FANK1: variants seen among roughly 807,000 people sequenced by gnomAD.
The protein encoded by FANK1 is fibronectin type 3 and ankyrin repeat domains protein 1.
In FANK1, 44 loss-of-function variants were observed where a neutral mutation model predicts 45.3. The observed-to-expected ratio is 0.97, with a 90% confidence interval of 0.76 to 1.25. The LOEUF is 1.25. Among genes scored for constraint, FANK1 ranks in the 50% most tolerant of loss-of-function variants. The pLI, the probability that FANK1 is intolerant of heterozygous loss-of-function variation, is 0.00. For missense variants in FANK1, 391 were observed against 424.4 expected (o/e 0.92, Z 0.69); for synonymous variants, 149 against 152.5 (o/e 0.98, Z 0.17).
At chr10:125,911,208 C>T (rs1045353604) in intron 1 of FANK1, among the ~76,000 whole-genome samples, 10 of 152,140 alleles carry the variant, frequency 6.6e-5, no homozygotes, top group South Asian at 2.1e-4. Context: ...GAAGAAGAAA[C>T]GTCAGACTCA....
intron 1 of FANK1, among the ~76,000 whole-genome samples, chr10:125,922,218 G>A (rs191857614): frequency 6.6e-6 from 1 of 152,126 alleles, no homozygotes; most frequent in Admixed American, 6.5e-5. Context: ...CATATTTGGG[G>A]ATGTTCTAGA....
intron 1 of FANK1, among the ~76,000 whole-genome samples, chr10:125,904,733 G>A (rs1473326609): frequency 1.3e-5 from 2 of 152,116 alleles, no homozygotes; most frequent in African/African-American, 4.8e-5. Flanking sequence ...TGATGAGCCT[G>A]TAGTTTTACT....
chr10:125,991,645 T>TC (rs1951951922), intron 3 of FANK1, among the ~76,000 whole-genome samples: 1 of 152,064 alleles, frequency 6.6e-6, no homozygotes, highest in African/African-American at 2.4e-5. Flanking sequence ...AGCCTTTTTT[T>TC]TCCCCCCAGG....
intron 1 of FANK1, among the ~76,000 whole-genome samples, chr10:125,916,650 AAAGGC>A (rs1313673798): frequency 2.5e-4 from 38 of 152,226 alleles, no homozygotes; most frequent in Admixed American, 2.5e-3. Flanking sequence ...CCTTACAGAG[AAAGGC>A]AATTCTGACA....
chr10:125,949,326 A>G (rs909691158), intron 1 of FANK1, among the ~76,000 whole-genome samples: 10 of 151,532 alleles, frequency 6.6e-5, no homozygotes, highest in Non-Finnish European at 1.0e-4. Context: ...AGGAAGTCAA[A>G]TTGTCCCTGT....
At chr10:125,997,703 G>T (rs930745486) in intron 6 of FANK1, among the ~76,000 whole-genome samples, 1 of 152,212 alleles carries the variant, frequency 6.6e-6, no homozygotes, top group Non-Finnish European at 1.5e-5. Flanking sequence ...GGCATCTGTT[G>T]TAACGTATGG....
intron 1 of FANK1, among the ~76,000 whole-genome samples, chr10:125,978,995 C>T (rs1490751135): frequency 3.9e-5 from 6 of 152,328 alleles, no homozygotes; most frequent in South Asian, 2.1e-4. Flanking sequence ...CAAGACTCCA[C>T]GCTGCTCTGT....
At position 125,995,431 on chromosome 10, in the gene FANK1, A is replaced by T. The variant is rs755940888; in HGVS notation, c.331A>T (p.Ser111Cys). 3 of 1,614,182 alleles carry T rather than the reference A, an allele frequency of 1.9e-6. No individual in the cohort carries two copies. The South Asian group carries it at 3.3e-5, about 18-fold the overall frequency. ...CATTTCTCCAGGAGAGCCCATAAGT[A>T]GTGAGCACTTGCACCGGGCTGTCAG... ...SVSTTREPIS[S>C]EHLHRAVSVN... The change falls in exon 4 of 11, where the codon AGT becomes TGT. Residue 111 changes from serine to cysteine, a missense_variant. Physicochemically the swap from Ser to Cys is moderately radical, Grantham distance 112. Transcript: ENST00000368693.
intron 1 of FANK1, chr10:125,973,819 G>GA (rs1950672478): frequency 1.0e-5 from 1 of 95,686 alleles, no homozygotes; most frequent in African/African-American, 2.9e-5. Context: ...TTATGTTGTT[G>GA]AGGTGGTGTA....
intron 1 of FANK1, among the ~76,000 whole-genome samples, chr10:125,948,008 A>T (rs1453322269): frequency 6.6e-6 from 1 of 150,440 alleles, no homozygotes; most frequent in Non-Finnish European, 1.5e-5. Context: ...CTGCTCCTGA[A>T]TGACTACTGG....
chr10:125,908,216 G>A (rs933580695), intron 1 of FANK1, among the ~76,000 whole-genome samples: 2 of 152,022 alleles, frequency 1.3e-5, no homozygotes, highest in African/African-American at 4.8e-5. Context: ...GGCTGGTCTC[G>A]AACTCCTCAC....
chr10:125,960,787 G>A (rs994051442), intron 1 of FANK1, among the ~76,000 whole-genome samples: 1 of 152,040 alleles, frequency 6.6e-6, no homozygotes, highest in South Asian at 2.1e-4. Context: ...TGCCCGCCTC[G>A]GCCTCCCAAA....
chr10:125,945,278 C>G (rs1339778791), intron 1 of FANK1, among the ~76,000 whole-genome samples: 1 of 152,192 alleles, frequency 6.6e-6, no homozygotes, highest in Non-Finnish European at 1.5e-5. Flanking sequence ...CAGCTCCGGT[C>G]TACAGCTCCC....
intron 1 of FANK1, among the ~76,000 whole-genome samples, chr10:125,979,278 G>A (rs1025695684): frequency 3.3e-5 from 5 of 152,078 alleles, no homozygotes; most frequent in African/African-American, 9.7e-5. Context: ...GTATTCACTC[G>A]CCCCTTCTGT....
Position 125,979,101 on chromosome 10 carries a change from G to T in FANK1, c.14-1060G>T, listed in dbSNP as rs115632046. On this transcript the variant is annotated intron_variant, in intron 1 of 10. Transcript: ENST00000368693. ...ATCTGTGGGAGAAGCATGGTTTCTG[G>T]GTCGCTCATTCGGTCATTGCTTCTC... Among the ~76,000 whole-genome samples, 1,083 of 152,238 alleles carry T rather than the reference G, an allele frequency of 7.1e-3. 13 individuals carry two copies. Among genetic ancestry groups the T allele is most frequent in the African/African-American group, 0.025 (1,019 of 41,530 alleles).
intron 1 of FANK1, chr10:125,960,215 G>T: frequency 3.6e-6 from 1 of 279,684 alleles, no homozygotes; most frequent in South Asian, 3.9e-5. Context: ...TAAAGCACAG[G>T]ATCTGGACTC....
chr10:125,909,867 T>C (rs1945850446), intron 1 of FANK1, among the ~76,000 whole-genome samples: 1 of 151,074 alleles, frequency 6.6e-6, no homozygotes, highest in Non-Finnish European at 1.5e-5. Flanking sequence ...TTCAAATACA[T>C]GTGTTTACGA....
intron 1 of FANK1, among the ~76,000 whole-genome samples, chr10:125,923,234 G>A (rs1159137569): frequency 6.6e-6 from 1 of 151,674 alleles, no homozygotes; most frequent in Admixed American, 6.6e-5. Context: ...TCAGGTGGGA[G>A]GACCACTTGA....
In FANK1 at chr10:125,995,700, T is replaced by A. The variant is rs1952277795; in HGVS notation, c.398+202T>A. ...AGCCCCATGTAAATGTTATATTTTG[T>A]GATTGTGTAATAGAAATTGTAAAAG... is the stretch of plus-strand genomic sequence containing the variant. On this transcript the variant is annotated intron_variant, in intron 4 of 10. Coordinates refer to ENST00000368693, the MANE Select transcript of FANK1 (RefSeq NM_145235.5). 3 of 534,792 alleles carry A rather than the reference T, an allele frequency of 5.6e-6. No individual in the cohort carries two copies. In the African/African-American group the frequency reaches 5.7e-5, roughly 10 times the overall value. 33.1% of individuals were successfully genotyped at this position (534,792 alleles called of 1,614,324 possible).
Sources: allele counts gnomAD v4.1 joint callset (sites outside exome capture counted in the v4.1 genomes callset), GRCh38; gene constraint gnomAD v4.1.1; transcripts MANE v1.5; gene names NCBI Gene and HGNC (gene_info 2026-07-23, HGNC 2026-07-21).